The following IQCB1 variants were observed in gnomAD, a reference collection of about 807,000 sequenced individuals.
IQCB1 encodes the protein IQ motif containing B1.
IQCB1 carries 56 observed loss-of-function variants against 84.4 expected under a neutral mutation model. The ratio of observed to expected loss-of-function variants is 0.66; its 90% CI spans 0.54 to 0.83. The LOEUF is 0.83. Among genes scored for constraint, IQCB1 ranks in the 40% least tolerant of loss-of-function variants. The pLI is 0.00. For missense variants in IQCB1, 629 were observed against 682.1 expected (o/e 0.92, Z 0.87); for synonymous variants, 210 against 234.8 (o/e 0.89, Z 0.96).
chr3:121,818,644 GATTGATA>G (rs1052872722), intron 5 of IQCB1, among the ~76,000 whole-genome samples: 2 of 152,128 alleles, frequency 1.3e-5, no homozygotes, highest in African/African-American at 4.8e-5. Flanking sequence ...GCAAGAGACT[GATTGATA>G]ATTGATAAGT....
chr3:121,813,273 C>T (rs1376354751), intron 5 of IQCB1, among the ~76,000 whole-genome samples: 1 of 152,132 alleles, frequency 6.6e-6, no homozygotes, highest in Admixed American at 6.6e-5. Context: ...CTGAAGGAAG[C>T]ACTAAATATG....
chr3:121,808,984 T>C lies in IQCB1; in HGVS notation c.419A>G (p.His140Arg). ...AGAATCAGTCACAATTTGGAAAAAG[T>C]GTAGTAATTCATCTTTTTCTTCAGC... ...AKAEEKDELL[H>R]FFQIVTDSLF... The change falls in exon 6 of 15, where the codon CAC (histidine) becomes CGC (arginine). Residue 140 changes from histidine (H) to arginine (R), a missense_variant. His to Arg is a conservative substitution (Grantham distance 29). Transcript: ENST00000310864. 1 of 1,607,766 alleles carries C rather than the reference T, an allele frequency of 6.2e-7. No homozygotes were observed. The highest frequency in any genetic ancestry group is 8.5e-7 in the Non-Finnish European group (1 of 1,174,836).
chr3:121,833,156 T>C (rs1950707988), intron 2 of IQCB1, among the ~76,000 whole-genome samples: 1 of 152,206 alleles, frequency 6.6e-6, no homozygotes. Flanking sequence ...ATTGGAACAA[T>C]TCCTGGCACA....
In IQCB1 at chr3:121,834,959, A is replaced by C; in HGVS notation, c.-102+7T>G. 2.4e-6 allele frequency: 1 copy of C among 410,880 alleles called. No individual in the cohort carries two copies. Among genetic ancestry groups the C allele is most frequent in the Non-Finnish European group, 4.5e-6 (1 of 221,618 alleles). The allele number at this position is 410,880 out of a possible 1,614,324, so 25.5% of individuals were successfully genotyped here. On this transcript the variant is annotated splice_region_variant and intron_variant, in intron 1 of 14. Coordinates refer to ENST00000310864, the MANE Select transcript of IQCB1 (RefSeq NM_001023570.4). ...TCCCTCCCCAGCCACCACCTCAGAT[A>C]AGTTACCTCATCCTCGCTTCGCGTT...
At chr3:121,772,870 T>C (rs974892366) in intron 13 of IQCB1, among the ~76,000 whole-genome samples, 157 bp from the exon 14 acceptor site, 1 of 152,282 alleles carries the variant, frequency 6.6e-6, no homozygotes, top group African/African-American at 2.4e-5. Context: ...AAGTATTAAT[T>C]AGTCTCTTAA....
intron 5 of IQCB1, among the ~76,000 whole-genome samples, chr3:121,820,686 C>T (rs1245046782): frequency 1.3e-5 from 2 of 152,218 alleles, no homozygotes; most frequent in East Asian, 3.9e-4. Context: ...GGCCTTGAAA[C>T]CTTAGACTCA....
intron 2 of IQCB1, among the ~76,000 whole-genome samples, chr3:121,831,682 T>C (rs1950646672): frequency 6.6e-6 from 1 of 152,244 alleles, no homozygotes; most frequent in Non-Finnish European, 1.5e-5. Flanking sequence ...TGCTTGCTTG[T>C]TGGTGGAAGA....
intron 12 of IQCB1, among the ~76,000 whole-genome samples, chr3:121,785,972 C>G (rs1042851803): frequency 7.4e-5 from 11 of 148,714 alleles, no homozygotes; most frequent in African/African-American, 2.7e-4. Context: ...AGTTGGAGAC[C>G]ACCCTGGAGA....
chr3:121,818,498 C>T (rs983098965), intron 5 of IQCB1, among the ~76,000 whole-genome samples: 2 of 152,140 alleles, frequency 1.3e-5, no homozygotes, highest in African/African-American at 2.4e-5. Flanking sequence ...GTAAGTAAAC[C>T]GGACTTAGGG....
At chr3:121,826,320 G>C in intron 4 of IQCB1, 140 bp from the exon 5 acceptor site, 1 of 826,042 alleles carries the variant, frequency 1.2e-6, no homozygotes, top group Non-Finnish European at 2.0e-6. Flanking sequence ...TGAAAAATTA[G>C]TCTAACAACT....
At chr3:121,830,236 A>G (rs1258611417) in intron 2 of IQCB1, among the ~76,000 whole-genome samples, 2 of 151,328 alleles carry the variant, frequency 1.3e-5, no homozygotes, top group East Asian at 3.9e-4. Flanking sequence ...ATAAATAAGT[A>G]AATAGTATAT....
chr3:121,770,808 A>T (rs1239227730), intron 14 of IQCB1, among the ~76,000 whole-genome samples: 1 of 151,550 alleles, frequency 6.6e-6, no homozygotes, highest in East Asian at 1.9e-4. Context: ...TCAGCTTCCT[A>T]AGTACCTGGG....
chr3:121,824,113 G>A (rs1046352855), intron 5 of IQCB1, among the ~76,000 whole-genome samples: 5 of 152,150 alleles, frequency 3.3e-5, no homozygotes, highest in African/African-American at 1.2e-4. Flanking sequence ...TAAGACAGAG[G>A]TTAAAAAGTA....
chr3:121,815,244 A>T (rs1324385529), intron 5 of IQCB1, among the ~76,000 whole-genome samples: 2 of 152,244 alleles, frequency 1.3e-5, no homozygotes, highest in Admixed American at 1.3e-4. Flanking sequence ...TGAACTAGGT[A>T]TCGATGGAAC....
chr3:121,807,252 A>G lies in IQCB1; in HGVS notation c.587+92T>C, dbSNP rs4582090. ...ATACTTGTATATACATTATATACAA[A>G]TCATATGCGGTCAATTTTAGCAAAA... On this transcript the variant is annotated intron_variant, in intron 7 of 14. Coordinates refer to ENST00000310864, the MANE Select transcript of IQCB1 (RefSeq NM_001023570.4). 437,982 of 712,928 alleles carry G rather than the reference A, an allele frequency of 0.61. 138,248 individuals are homozygous for G. Among genetic ancestry groups the G allele is most frequent in the Admixed American group, 0.71 (38,368 of 53,704 alleles). 44.2% of individuals were successfully genotyped at this position (712,928 alleles called of 1,614,324 possible).
At chr3:121,834,305 A>G (rs1216690558) in intron 2 of IQCB1, 86 bp downstream of exon 2, 2 of 152,216 alleles carry the variant, frequency 1.3e-5, no homozygotes, top group African/African-American at 4.8e-5. Context: ...TGTTTCTCCT[A>G]TAATTCAACA....
rs374829619 is a variant in IQCB1, at chr3:121,828,656, T to C, written c.101-24A>G. ...TTCTAAGGCAAAAGGAAATAAGATA[T>C]ATTTATTTTTGCTTAATACATCCAG... On this transcript the variant is annotated intron_variant, in intron 3 of 14. Coordinates refer to ENST00000310864, the MANE Select transcript of IQCB1 (RefSeq NM_001023570.4). 2.4e-5 allele frequency: 37 copies of C among 1,539,306 alleles called. No homozygotes were observed. In the African/African-American group the frequency reaches 4.9e-4, roughly 20 times the overall value.
At chr3:121,770,986 T>G (rs1947956472) in intron 14 of IQCB1, among the ~76,000 whole-genome samples, 3 of 152,216 alleles carry the variant, frequency 2.0e-5, no homozygotes, top group Admixed American at 6.5e-5. Flanking sequence ...TCTGTTTTTT[T>G]TTGAGACAGA....
At chr3:121,799,607 A>G (rs1259461941) in intron 7 of IQCB1, among the ~76,000 whole-genome samples, 1 of 151,928 alleles carries the variant, frequency 6.6e-6, no homozygotes, top group Non-Finnish European at 1.5e-5. Flanking sequence ...AATAGAGAAT[A>G]CAAAGTAGCC....
Sources: gnomAD v4.1 joint callset for allele counts (sites outside exome capture counted in the v4.1 genomes callset) on GRCh38, gnomAD v4.1.1 for gene constraint, MANE v1.5 for transcripts, NCBI Gene and HGNC (gene_info 2026-07-23, HGNC 2026-07-21) for gene names.